Variants in LEKR1 observed in about 807,000 individuals in gnomAD.
LEKR1 encodes leucine, glutamate and lysine rich 1.
Under a neutral mutation model 72.4 loss-of-function variants are expected in LEKR1, and 59 were observed. That is an observed-to-expected ratio of 0.82 (90% CI 0.66 to 1.01). LEKR1 has a LOEUF of 1.01. Among genes scored for constraint, LEKR1 ranks in the 50% least tolerant of loss-of-function variants. LEKR1 has a pLI of 0.00. For missense variants in LEKR1, 728 were observed against 759.2 expected, an observed-to-expected ratio of 0.96 and a Z score of 0.48; for synonymous variants, 257 against 263.2, an observed-to-expected ratio of 0.98 and a Z score of 0.23.
At chr3:156,954,441 G>A (rs757055910) in intron 6 of LEKR1, among the ~76,000 whole-genome samples, 15 of 151,848 alleles carry the variant, frequency 9.9e-5, no homozygotes, top group South Asian at 4.2e-4. Flanking sequence ...CTGTACCTAC[G>A]TCCTGAATGA....
chr3:156,856,999 G>A (rs939520773), intron 3 of LEKR1, among the ~76,000 whole-genome samples: 1 of 151,936 alleles, frequency 6.6e-6, no homozygotes, highest in Non-Finnish European at 1.5e-5. Flanking sequence ...CTAATGTAAT[G>A]CAATCCTGCC....
chr3:156,870,452 T>C (rs1182489512), intron 3 of LEKR1, among the ~76,000 whole-genome samples: 1 of 152,104 alleles, frequency 6.6e-6, no homozygotes, highest in Non-Finnish European at 1.5e-5. Flanking sequence ...TTGGAGCTAT[T>C]GTAAACAGAA....
At chr3:157,044,435 G>A (rs533159899) in intron 12 of LEKR1, among the ~76,000 whole-genome samples, 6 of 152,308 alleles carry the variant, frequency 3.9e-5, no homozygotes, top group Admixed American at 6.5e-5. Context: ...ATTTCGAAGA[G>A]ACTTAATTAT....
intron 12 of LEKR1, among the ~76,000 whole-genome samples, chr3:157,043,391 G>T (rs1270132139): frequency 1.3e-5 from 2 of 151,176 alleles, no homozygotes; most frequent in African/African-American, 4.9e-5. Context: ...CACTTTAAAA[G>T]AAACTTTGAT....
Position 157,045,830 on chromosome 3 carries a change from G to T in LEKR1, c.*80G>T. Reference sequence around the variant, plus strand: ...CCAGGAATTCACTGTAACTGAGAATGACAATGATAAAATTATTTTCACAGA... The same window carrying T: ...CCAGGAATTCACTGTAACTGAGAATTACAATGATAAAATTATTTTCACAGA... On this transcript the variant is annotated 3_prime_UTR_variant, in exon 13 of 13. Coordinates refer to ENST00000356539, the MANE Select transcript of LEKR1 (RefSeq NM_001004316.3). 1.6e-6 allele frequency: 2 copies of T among 1,231,674 alleles called. No individual in the cohort carries two copies. The highest frequency in any genetic ancestry group is 2.3e-6 in the Non-Finnish European group (2 of 879,392). The allele number at this position is 1,231,674 out of a possible 1,614,324, so 76.3% of individuals were successfully genotyped here.
chr3:156,863,068 G>A (rs1716944108), intron 3 of LEKR1, among the ~76,000 whole-genome samples: 1 of 152,012 alleles, frequency 6.6e-6, no homozygotes, highest in Non-Finnish European at 1.5e-5. Context: ...TGAGCTCCAG[G>A]GATTTTCATA....
chr3:157,030,807 T>A (rs1445500906), intron 12 of LEKR1, among the ~76,000 whole-genome samples: 1 of 152,026 alleles, frequency 6.6e-6, no homozygotes, highest in Non-Finnish European at 1.5e-5. Flanking sequence ...ACTTATATGG[T>A]TTTTGGCAGA....
chr3:156,829,793 T>C (rs2108527050), intron 2 of LEKR1, among the ~76,000 whole-genome samples: 1 of 152,318 alleles, frequency 6.6e-6, no homozygotes, highest in South Asian at 2.1e-4. Flanking sequence ...TGGAACTAAA[T>C]TGTGTAGGTC....
At chr3:156,993,298 T>C in intron 9 of LEKR1, 21 bp downstream of exon 9, 2 of 1,489,332 alleles carry the variant, frequency 1.3e-6, no homozygotes, top group South Asian at 1.3e-5. Flanking sequence ...CAATAATTTC[T>C]TACAAAAACA....
In LEKR1 at chr3:157,034,839, GT is replaced by G. The variant is rs201521147; in HGVS notation, c.1668+6440del. Among the ~76,000 whole-genome samples, 815 of 152,140 alleles carry G rather than the reference GT, an allele frequency of 5.4e-3. 9 individuals are homozygous for G. Among genetic ancestry groups the G allele is most frequent in the East Asian group, 0.024 (122 of 5,172 alleles). The stretch of plus-strand genomic sequence containing the variant: ...ATTTTTATTTTCTTTTTGAGACAGA[GT>G]TTCACTCTGTTGCCCAGGCTGGAGT... On this transcript the variant is annotated intron_variant, in intron 12 of 12. Coordinates refer to ENST00000356539, the MANE Select transcript of LEKR1 (RefSeq NM_001004316.3).
At chr3:156,966,556 T>A (rs985482147) in intron 6 of LEKR1, among the ~76,000 whole-genome samples, 1 of 152,152 alleles carries the variant, frequency 6.6e-6, no homozygotes, top group Non-Finnish European at 1.5e-5. Context: ...GAGATCAAAC[T>A]GCAAGGTGGC....
intron 9 of LEKR1, among the ~76,000 whole-genome samples, chr3:156,996,422 G>A (rs1731573511): frequency 6.6e-6 from 1 of 152,174 alleles, no homozygotes; most frequent in South Asian, 2.1e-4. Flanking sequence ...CATAGTAAGT[G>A]TGAGTGATGC....
chr3:156,958,020 G>A (rs1004430507), intron 6 of LEKR1, among the ~76,000 whole-genome samples: 1 of 152,138 alleles, frequency 6.6e-6, no homozygotes, highest in Admixed American at 6.6e-5. Flanking sequence ...TTTTTGAAAG[G>A]CTGTTACATT....
chr3:156,952,755 T>A (rs893436336), intron 6 of LEKR1, among the ~76,000 whole-genome samples: 1 of 151,522 alleles, frequency 6.6e-6, no homozygotes, highest in Non-Finnish European at 1.5e-5. Context: ...GTAACAGATT[T>A]GCAAAGTTAT....
In LEKR1 at chr3:156,901,616, G is replaced by A. The variant is rs80186370; in HGVS notation, c.264-18959G>A. 5.7e-3 allele frequency among the ~76,000 whole-genome samples: 866 copies of A among 152,132 alleles called. 5 individuals are homozygous for A. Among genetic ancestry groups the A allele is most frequent in the African/African-American group, 0.02 (825 of 41,482 alleles). ...AGGTGTTGCATATTCTCTTTTCCTC[G>A]TACTGAACCAGTTGCTTCACATCTA... On this transcript the variant is annotated intron_variant, in intron 3 of 12. Coordinates refer to ENST00000356539, the MANE Select transcript of LEKR1 (RefSeq NM_001004316.3).
At chr3:156,899,725 CATATATACACATATATACAT>C (rs1218101938) in intron 3 of LEKR1, among the ~76,000 whole-genome samples, 6 of 140,976 alleles carry the variant, frequency 4.3e-5, no homozygotes, top group East Asian at 4.2e-4. Context: ...TATATACATG[CATATATACACATATATACAT>C]GCATATATAC....
chr3:157,013,831 T>G (rs896920858), intron 10 of LEKR1, among the ~76,000 whole-genome samples: 5 of 152,050 alleles, frequency 3.3e-5, no homozygotes, highest in Non-Finnish European at 5.9e-5. Context: ...TGAAATGTTC[T>G]TTTTACAAAT....
intron 9 of LEKR1, among the ~76,000 whole-genome samples, chr3:156,997,938 AAAG>A (rs1486589597): frequency 2.0e-5 from 3 of 152,220 alleles, no homozygotes; most frequent in Non-Finnish European, 2.9e-5. Flanking sequence ...AGTGAAAGGA[AAAG>A]AAGTAGGTCT....
intron 9 of LEKR1, 81 bp from the exon 10 acceptor site, chr3:157,011,332 T>C: frequency 1.1e-6 from 1 of 907,592 alleles, no homozygotes; most frequent in Non-Finnish European, 1.8e-6. Context: ...TTTGAAGTAA[T>C]ATCTCCCGAC....
Sources: gnomAD v4.1 joint callset for allele counts (sites outside exome capture counted in the v4.1 genomes callset) on GRCh38, gnomAD v4.1.1 for gene constraint, MANE v1.5 for transcripts, NCBI Gene and HGNC (gene_info 2026-07-23, HGNC 2026-07-21) for gene names.